Variants in MED12L observed in about 807,000 individuals in gnomAD.
MED12L encodes mediator complex subunit 12L.
A neutral mutation model predicts 281.3 loss-of-function variants in MED12L; 60 were observed. That is an observed-to-expected ratio of 0.21 (90% confidence interval 0.17 to 0.26). MED12L has a LOEUF of 0.26. MED12L is among the 10% of genes least tolerant of loss of function. The pLI, the probability that MED12L is intolerant of heterozygous loss-of-function variation, is 1.00. For missense variants in MED12L, 2,146 were observed against 2,680.9 expected, an observed-to-expected ratio of 0.80 and a Z score of 4.41; for synonymous variants, 974 against 987.2, an observed-to-expected ratio of 0.99 and a Z score of 0.25.
At chr3:151,427,713 T>C (rs1475330666) in intron 43 of MED12L, among the ~76,000 whole-genome samples, 2 of 152,246 alleles carry the variant, frequency 1.3e-5, no homozygotes, top group Non-Finnish European at 2.9e-5. Context: ...GTATTTTCAA[T>C]CATGGATAGG....
chr3:151,349,852 CT>C (rs112308445), intron 16 of MED12L, among the ~76,000 whole-genome samples: 255 of 139,600 alleles, frequency 1.8e-3, no homozygotes, highest in East Asian at 6.5e-3. Context: ...TCAGTTGACA[CT>C]TTTTTTTTTT....
chr3:151,360,400 A>G, intron 20 of MED12L, 74 bp from the exon 21 acceptor site: 2 of 1,385,378 alleles, frequency 1.4e-6, no homozygotes. Flanking sequence ...ACATATTTTC[A>G]TTCTAAAAGA....
At chr3:151,279,505 A>G (rs1259696888) in intron 16 of MED12L, among the ~76,000 whole-genome samples, 1 of 152,146 alleles carries the variant, frequency 6.6e-6, no homozygotes, top group Non-Finnish European at 1.5e-5. Context: ...TCCTTGGCAA[A>G]GACCTGTGAG....
rs533188956 is a variant in MED12L, at chr3:151,178,796, A to G, written c.1495-6534A>G. Among the ~76,000 whole-genome samples, 13 of 152,294 alleles carry G rather than the reference A, an allele frequency of 8.5e-5. No individual in the cohort carries two copies. In the South Asian group the frequency reaches 2.7e-3, roughly 32 times the overall value. ...TGTAAATTGGGTAGGCACTCAGTAC[A>G]TGTTAATTATCTTTATTACTACTAC... On this transcript the variant is annotated intron_variant, in intron 11 of 44. Transcript: ENST00000687756.
At chr3:151,190,660 T>C in intron 13 of MED12L, 57 bp from the exon 14 acceptor site, 1 of 1,436,216 alleles carries the variant, frequency 7.0e-7, no homozygotes, top group Middle Eastern at 1.8e-4. Flanking sequence ...GCCTTAGTAA[T>C]TAGTTTTTTT....
chr3:151,283,462 T>A (rs1298913811), intron 16 of MED12L, among the ~76,000 whole-genome samples: 1 of 152,266 alleles, frequency 6.6e-6, no homozygotes, highest in African/African-American at 2.4e-5. Flanking sequence ...GAAAGCATTT[T>A]CTTTTTCACC....
chr3:151,384,472 A>C (rs1161677878), intron 35 of MED12L, among the ~76,000 whole-genome samples: 1 of 152,204 alleles, frequency 6.6e-6, no homozygotes, highest in Admixed American at 6.5e-5. Context: ...ATCCACTGTT[A>C]AATATATAAC....
intron 16 of MED12L, among the ~76,000 whole-genome samples, chr3:151,279,369 C>G (rs1446922289): frequency 6.6e-6 from 1 of 152,072 alleles, no homozygotes; most frequent in Non-Finnish European, 1.5e-5. Context: ...TATGTACTTG[C>G]TACGTAGGAG....
At chr3:151,097,786 A>G (rs563013066) in intron 2 of MED12L, among the ~76,000 whole-genome samples, 2 of 152,302 alleles carry the variant, frequency 1.3e-5, no homozygotes, top group African/African-American at 2.4e-5. Context: ...AACCCCCTAC[A>G]CCAAAGACTT....
In MED12L at chr3:151,283,090, A is replaced by G. The variant is rs977052651; in HGVS notation, c.2251-66969A>G. Among the ~76,000 whole-genome samples, 3 of 152,240 alleles carry G rather than the reference A, an allele frequency of 2.0e-5. No homozygotes were observed. In the East Asian group the frequency reaches 5.8e-4, roughly 29 times the overall value. The stretch of plus-strand genomic sequence containing the variant: ...TGCCTTCATCTGAGAATTACAATGG[A>G]GAAACAAATGCCTGGTACAATATCA... On this transcript the variant is annotated intron_variant, in intron 16 of 44. Transcript: ENST00000687756.
chr3:151,271,181 A>G (rs1577194264), intron 16 of MED12L, among the ~76,000 whole-genome samples: 1 of 152,280 alleles, frequency 6.6e-6, no homozygotes, highest in South Asian at 2.1e-4. Flanking sequence ...AAAAAGACAA[A>G]CTCAGTTTCT....
At chr3:151,360,942 T>A (rs148539335) in intron 21 of MED12L, among the ~76,000 whole-genome samples, 1 of 152,112 alleles carries the variant, frequency 6.6e-6, no homozygotes, top group South Asian at 2.1e-4. Context: ...TTTAAGTAAG[T>A]CCTACTGAAG....
Position 151,086,803 on chromosome 3 carries a change from CAGCG to C in MED12L, c.-109_-106del, listed in dbSNP as rs925298962. 4.1e-4 allele frequency: 301 copies of C among 728,598 alleles called. No homozygotes were observed. The highest frequency in any genetic ancestry group is 6.4e-4 in the Admixed American group (21 of 32,586). The allele number at this position is 728,598 out of a possible 1,614,324, so 45.1% of individuals were successfully genotyped here. A position where few individuals can be genotyped will look rare whatever the true frequency, so the allele number is the denominator to read the frequency against. ...TTTATTCCTCCTGCCTGCAGCGCCA[CAGCG>C]AGCGAGCGAGCGAGGAGGGGGAGAG... On this transcript the variant is annotated 5_prime_UTR_variant, in exon 2 of 45. Transcript: ENST00000687756.
At chr3:151,417,786 GTTAA>G (rs1717792663) in intron 43 of MED12L, among the ~76,000 whole-genome samples, 2 of 152,038 alleles carry the variant, frequency 1.3e-5, no homozygotes, top group South Asian at 4.1e-4. Context: ...CCATTTTTAA[GTTAA>G]TTCTTTTTAA....
At chr3:151,383,959 G>A (rs781212706) in intron 34 of MED12L, 71 bp downstream of exon 34, 48 of 1,481,802 alleles carry the variant, frequency 3.2e-5, no homozygotes, top group African/African-American at 7.0e-5. Context: ...TACTGATGGC[G>A]ATTTCTGCCA....
chr3:151,386,859 C>T (rs1040919506), intron 36 of MED12L, among the ~76,000 whole-genome samples: 1 of 152,116 alleles, frequency 6.6e-6, no homozygotes, highest in Admixed American at 6.5e-5. Flanking sequence ...CAGGTGTGAG[C>T]CACCACACCT....
At chr3:151,355,562 T>C (rs1170663203) in intron 18 of MED12L, among the ~76,000 whole-genome samples, 1 of 152,192 alleles carries the variant, frequency 6.6e-6, no homozygotes, top group South Asian at 2.1e-4. Flanking sequence ...AATAAAATAC[T>C]ACGACATTGA....
chr3:151,293,910 A>G (rs1463640428), intron 16 of MED12L, among the ~76,000 whole-genome samples: 1 of 152,172 alleles, frequency 6.6e-6, no homozygotes, highest in Non-Finnish European at 1.5e-5. Flanking sequence ...GCCACAGTGC[A>G]GGGACATTGC....
At chr3:151,114,552 CAT>C (rs770571312) in intron 2 of MED12L, among the ~76,000 whole-genome samples, 41 of 152,148 alleles carry the variant, frequency 2.7e-4, no homozygotes, top group Non-Finnish European at 5.1e-4. Flanking sequence ...TCAGCAGTTA[CAT>C]AGAGGAATAA....
Sources: allele counts gnomAD v4.1 joint callset (sites outside exome capture counted in the v4.1 genomes callset), GRCh38; gene constraint gnomAD v4.1.1; transcripts MANE v1.5; gene names NCBI Gene and HGNC (gene_info 2026-07-23, HGNC 2026-07-21).